AKNA: variants seen among roughly 807,000 people sequenced by gnomAD.
AKNA encodes AT-hook transcription factor.
AKNA carries 67 observed loss-of-function variants against 138.8 expected under a neutral mutation model. The observed-to-expected ratio is 0.48, with a 90% CI of 0.40 to 0.59. The LOEUF is 0.59. Among genes scored for constraint, AKNA ranks in the 20% least tolerant of loss-of-function variants. The pLI is 0.00. For missense variants in AKNA, 1,813 were observed against 1,880.4 expected (o/e 0.96, Z 0.66); for synonymous variants, 737 against 754.4 (o/e 0.98, Z 0.38).
At position 114,375,278 on chromosome 9, in the gene AKNA, C is replaced by T. The variant is rs183719548; in HGVS notation, c.1342-1111G>A. Among the ~76,000 whole-genome samples, 333 of 152,314 alleles carry T rather than the reference C, an allele frequency of 2.2e-3. 1 individual carries two copies. The highest frequency in any genetic ancestry group is 7.6e-3 in the African/African-American group (317 of 41,552). ...ACTGCGGACGACTCTGCAGGACAGA[C>T]TGATTTCCGCAACAAATGAATTGCA... On this transcript the variant is annotated intron_variant, in intron 3 of 21. Coordinates refer to ENST00000374088, the MANE Select transcript of AKNA (RefSeq NM_001317950.2).
intron 4 of AKNA, among the ~76,000 whole-genome samples, chr9:114,373,081 G>A (rs570541488): frequency 6.6e-5 from 10 of 152,122 alleles, no homozygotes; most frequent in African/African-American, 1.9e-4. Flanking sequence ...GCTGTGGCAG[G>A]GGCAGGGTCC....
intron 2 of AKNA, among the ~76,000 whole-genome samples, chr9:114,378,149 T>A (rs111277053): frequency 9.9e-5 from 15 of 152,214 alleles, no homozygotes; most frequent in African/African-American, 3.6e-4. Context: ...CCATGGCCCC[T>A]CAAGCTCCCC....
chr9:114,356,072 T>C lies in AKNA; in HGVS notation c.2911A>G (p.Lys971Glu). 3.1e-6 allele frequency: 5 copies of C among 1,614,144 alleles called. No homozygotes were observed. The highest frequency in any genetic ancestry group is 4.2e-6 in the Non-Finnish European group (5 of 1,180,028). The change falls in exon 14 of 22, where the codon AAG (lysine) becomes GAG (glutamate). Residue 971 changes from lysine (K) to glutamate (E), a missense_variant. By Grantham distance (56) the Lys-to-Glu change is moderately conservative (BLOSUM62 1). Transcript: ENST00000374088. ...CTGGGAATCAGAGAACCCCTGGCCTTGGGGTAGGAAGCTCCATCCCTGGGC... is the reference window on the plus strand; with the variant it reads ...CTGGGAATCAGAGAACCCCTGGCCTCGGGGTAGGAAGCTCCATCCCTGGGC... ...SVPRDGASYPKARGSLIPRRA... is the reference protein window; with the variant it reads ...SVPRDGASYPEARGSLIPRRA...
Position 114,341,594 on chromosome 9 carries a change from C to A in AKNA, c.4006G>T (p.Ala1336Ser). 1 of 1,614,002 alleles carries A rather than the reference C, an allele frequency of 6.2e-7. No homozygotes were observed. The highest frequency in any genetic ancestry group is 8.5e-7 in the Non-Finnish European group (1 of 1,179,956). ...GAGATGTAGGCAAAGGCTGGAGGGG[C>A]TGGTGCTGGGGGCGCTGTTGCCAGA... ...WYLATAPPAP[A>S]PPAFAYISSV... is the part of the protein sequence containing the mutation. Residue 1336 changes from alanine (A) to serine (S), a missense_variant, in exon 21 of 22, where the codon GCC becomes TCC. Physicochemically the swap from Ala to Ser is moderately conservative, Grantham distance 99. Coordinates refer to ENST00000374088, the MANE Select transcript of AKNA (RefSeq NM_001317950.2).
chr9:114,388,045 GTT>G (rs1349569106), upstream of AKNA: 1 of 267,704 alleles, frequency 3.7e-6, no homozygotes, highest in Non-Finnish European at 8.2e-6. Flanking sequence ...CCCTGCCGTG[GTT>G]GAGGCCGCCT....
intron 5 of AKNA, 106 bp from the exon 6 acceptor site, chr9:114,367,803 T>C (rs1208496807): frequency 1.6e-6 from 2 of 1,282,822 alleles, no homozygotes; most frequent in Admixed American, 5.4e-5. Flanking sequence ...AAGTTATAGC[T>C]CAGTCACCAT....
intron 1 of AKNA, among the ~76,000 whole-genome samples, chr9:114,383,404 G>A (rs12235935): frequency 6.6e-6 from 1 of 152,188 alleles, no homozygotes; most frequent in Non-Finnish European, 1.5e-5. Flanking sequence ...CTGACCCAGA[G>A]TGGGCACGGT....
Position 114,361,699 on chromosome 9 carries a change from G to C in AKNA, c.2124+5C>G. 3.1e-6 allele frequency: 5 copies of C among 1,612,834 alleles called. No homozygotes were observed. Among genetic ancestry groups the C allele is most frequent in the Non-Finnish European group, 4.2e-6 (5 of 1,180,006 alleles). On this transcript the variant is annotated splice_donor_5th_base_variant and intron_variant, in intron 9 of 21. Coordinates refer to ENST00000374088, the MANE Select transcript of AKNA (RefSeq NM_001317950.2). ...ACAGCCCAATATGGTTGAGCCAAGA[G>C]GTACCTCAGGGCAGGAGGTCTTGAT...
At chr9:114,337,480 T>C (rs1390530267) in intron 21 of AKNA, among the ~76,000 whole-genome samples, 174 bp from the exon 22 acceptor site, 1 of 152,078 alleles carries the variant, frequency 6.6e-6, no homozygotes, top group Non-Finnish European at 1.5e-5. Context: ...CATCCAGGGA[T>C]TTCTTAGAAA....
rs1376371378 is a variant in AKNA at position 114,359,632 on chromosome 9, G to A, written c.2454C>T (p.Cys818=). 6 of 1,610,912 alleles carry A rather than the reference G, an allele frequency of 3.7e-6. No homozygotes were observed. The highest frequency in any genetic ancestry group is 4.2e-6 in the Non-Finnish European group (5 of 1,179,898). Residue 818 remains cysteine (C), a synonymous_variant, in exon 11 of 22, where the codon TGC becomes TGT. Coordinates refer to ENST00000374088, the MANE Select transcript of AKNA (RefSeq NM_001317950.2). ...CATGACTTTTCTCAGCCTGCACCGG[G>A]CACTGCCTTGGGAGGACCCTGGTGG... The part of the protein sequence containing the change: ...AEATRVLPRQ[C]PVQAEKSHGA...
At chr9:114,369,896 G>A (rs1006967691) in intron 4 of AKNA, among the ~76,000 whole-genome samples, 6 of 151,896 alleles carry the variant, frequency 4.0e-5, no homozygotes, top group South Asian at 2.1e-4. Context: ...AACCATCACC[G>A]TCATCATCGT....
In AKNA at chr9:114,356,870, G is replaced by C; in HGVS notation, c.2839C>G (p.His947Asp). The C allele has an allele frequency of 1.9e-6, 3 of 1,549,532 alleles. No homozygotes were observed. Among genetic ancestry groups the C allele is most frequent in the Non-Finnish European group, 2.6e-6 (3 of 1,156,394 alleles). Residue 947 changes from histidine (H) to aspartate (D), a missense_variant, in exon 13 of 22, where the codon CAC (histidine) becomes GAC (aspartate). Transcript: ENST00000374088. ...GGCGGGATCCCGGGATACCTGATGT[G>C]GGAGAGCCGGTGCTCTGGAGTCTGG... The part of the protein sequence containing the change: ...LTQTPEHRLS[H>D]ISTAGTLAQP...
chr9:114,362,649 G>A, intron 7 of AKNA, 116 bp from the exon 8 acceptor site: 1 of 1,342,674 alleles, frequency 7.4e-7, no homozygotes, highest in Middle Eastern at 2.7e-4. Flanking sequence ...TGGGCCCCTG[G>A]GTTCATGCAA....
At position 114,362,528 on chromosome 9, in the gene AKNA, G is replaced by A. The variant is rs755632366; in HGVS notation, c.1794C>T (p.Phe598=). The part of the protein sequence containing the change: ...RLMPQDQVKG[F]QRLKAAHAAL... ...CCGCGTGGGCAGCCTTCAGCCGCTG[G>A]AAGCCCTGAAACCAGACCAGGCCAG... Residue 598 remains phenylalanine (F), a synonymous_variant, in exon 8 of 22, where the codon TTC becomes TTT. Coordinates refer to ENST00000374088, the MANE Select transcript of AKNA (RefSeq NM_001317950.2). 1.2e-6 allele frequency: 2 copies of A among 1,612,902 alleles called. No homozygotes were observed. Among genetic ancestry groups the A allele is most frequent in the East Asian group, 4.5e-5 (2 of 44,864 alleles).
At chr9:114,353,002 G>A (rs1001696308) in intron 14 of AKNA, among the ~76,000 whole-genome samples, 6 of 152,122 alleles carry the variant, frequency 3.9e-5, no homozygotes, top group African/African-American at 1.4e-4. Flanking sequence ...TTGGGAAGCA[G>A]GTAGTGACTA....
At chr9:114,345,505 C>A in intron 18 of AKNA, 1 of 179,960 alleles carries the variant, frequency 5.6e-6, no homozygotes, top group Non-Finnish European at 1.2e-5. Context: ...CTGAAGGAAG[C>A]CAGGTGCAAA....
At position 114,364,725 on chromosome 9, in the gene AKNA, G is replaced by A; in HGVS notation, c.1729-106C>T. ...GTAAGAGGAGCTGGGTCCGTCCTCA[G>A]GATGTGGGGTTTCTGCCAAGCATGG... is the stretch of plus-strand genomic sequence containing the variant. On this transcript the variant is annotated intron_variant, in intron 6 of 21. Coordinates refer to ENST00000374088, the MANE Select transcript of AKNA (RefSeq NM_001317950.2). 2.5e-6 allele frequency: 3 copies of A among 1,182,608 alleles called. No homozygotes were observed. In the South Asian group the frequency reaches 3.7e-5, roughly 15 times the overall value. The allele number at this position is 1,182,608 out of a possible 1,614,324, so 73.3% of individuals were successfully genotyped here.
At chr9:114,364,518 T>A (rs756833847) in intron 7 of AKNA, 42 bp downstream of exon 7, 1 of 1,601,696 alleles carries the variant, frequency 6.2e-7, no homozygotes, top group African/African-American at 1.3e-5. Context: ...GAGACAGTGG[T>A]TGTCTGGCAG....
intron 4 of AKNA, among the ~76,000 whole-genome samples, chr9:114,373,505 C>T (rs771089084): frequency 3.3e-5 from 5 of 152,162 alleles, no homozygotes; most frequent in Admixed American, 2.6e-4. Flanking sequence ...CTTAAGGTCA[C>T]ACAGCTGGTT....
Sources: allele counts gnomAD v4.1 joint callset (sites outside exome capture counted in the v4.1 genomes callset), GRCh38; gene constraint gnomAD v4.1.1; transcripts MANE v1.5; gene names NCBI Gene and HGNC (gene_info 2026-07-23, HGNC 2026-07-21).